Variants in EYS observed in about 807,000 individuals in gnomAD.
EYS encodes the protein protein eyes shut homolog.
EYS carries 250 observed loss-of-function variants against 282.1 expected under a neutral mutation model. The ratio of observed to expected loss-of-function variants is 0.89; its 90% CI spans 0.80 to 0.98. EYS has a LOEUF of 0.98. Ranked by LOEUF, EYS falls within the 50% of genes least tolerant of loss-of-function variation. EYS has a pLI of 0.00. For synonymous variants in EYS, 1,355 were observed against 1,282.9 expected (o/e 1.06, Z -1.20); for missense variants, 4,016 against 3,709.0 (o/e 1.08, Z -2.15).
rs1243652825 is a variant in EYS, at chr6:65,266,987, T to TAGAGAGAGAG, written c.2023+28875_2023+28876insCTCTCTCTCT. ...ACACACATACCTTGACATATATATA[T>TAGAGAGAGAG]ATAGAGAGAGAGAGAGAGAGAGATC... On this transcript the variant is annotated intron_variant, in intron 12 of 42. Transcript: ENST00000503581. Among the ~76,000 whole-genome samples, 39 of 119,570 alleles carry TAGAGAGAGAG rather than the reference T, an allele frequency of 3.3e-4. No homozygotes were observed. In the East Asian group the frequency reaches 3.9e-3, roughly 12 times the overall value. 78.4% of individuals were successfully genotyped at this position (119,570 alleles called of 152,430 possible).
chr6:63,725,260 TAAG>T lies in EYS; in HGVS notation c.8233+1256_8233+1258del, dbSNP rs569445834. Among the ~76,000 whole-genome samples the T allele has an allele frequency of 3.8e-3, 582 of 152,240 alleles. 1 individual carries two copies. The highest frequency in any genetic ancestry group is 6.6e-3 in the Non-Finnish European group (448 of 67,964). Reference sequence around the variant, plus strand: ...AACTACATGCATTGAATAACAGATGTAAGAAGATGTGCTCTTGCCCTCCTATGT... The same window carrying T: ...AACTACATGCATTGAATAACAGATGTAAGATGTGCTCTTGCCCTCCTATGT... On this transcript the variant is annotated intron_variant, in intron 42 of 42. Transcript: ENST00000503581.
chr6:64,688,724 G>A (rs566183404), intron 22 of EYS, among the ~76,000 whole-genome samples: 3 of 152,082 alleles, frequency 2.0e-5, no homozygotes, highest in African/African-American at 7.2e-5. Flanking sequence ...GAGAGTTCTG[G>A]AGATGTCTAT....
At chr6:64,992,265 T>C (rs1349192573) in intron 14 of EYS, among the ~76,000 whole-genome samples, 1 of 151,940 alleles carries the variant, frequency 6.6e-6, no homozygotes, top group Non-Finnish European at 1.5e-5. Flanking sequence ...CTTGTATGAA[T>C]ACTATAAGAA....
chr6:64,180,433 T>A (rs1344254867), intron 31 of EYS, among the ~76,000 whole-genome samples: 1 of 152,148 alleles, frequency 6.6e-6, no homozygotes, highest in Non-Finnish European at 1.5e-5. Flanking sequence ...ATTTTCTTTT[T>A]TTGACTTTTA....
intron 12 of EYS, among the ~76,000 whole-genome samples, chr6:65,096,894 T>G (rs1774755226): frequency 6.6e-6 from 1 of 150,926 alleles, no homozygotes; most frequent in African/African-American, 2.4e-5. Flanking sequence ...ACTTTAAAAC[T>G]CTTAGAAAAA....
rs187964734 is a variant in EYS at position 65,078,008 on chromosome 6, G to A, written c.2024-20281C>T. 5.3e-3 allele frequency among the ~76,000 whole-genome samples: 807 copies of A among 152,142 alleles called. 7 individuals are homozygous for A. Among genetic ancestry groups the A allele is most frequent in the African/African-American group, 0.018 (753 of 41,534 alleles). On this transcript the variant is annotated intron_variant, in intron 12 of 42. Coordinates refer to ENST00000503581, the MANE Select transcript of EYS (RefSeq NM_001142800.2). ...AGAAAATTATGCCATCAGAATTCCTGTAAACAAGGTACTTTTGTTAATTTC... is the reference window on the plus strand; with the variant it reads ...AGAAAATTATGCCATCAGAATTCCTATAAACAAGGTACTTTTGTTAATTTC...
chr6:65,234,384 G>A (rs1582047593), intron 12 of EYS, among the ~76,000 whole-genome samples: 2 of 152,280 alleles, frequency 1.3e-5, no homozygotes, highest in East Asian at 3.9e-4. Context: ...TGGGCCACAG[G>A]CAATCAAAGT....
At chr6:64,377,802 T>C (rs1363221110) in intron 29 of EYS, 4 of 152,116 alleles carry the variant, frequency 2.6e-5, no homozygotes, top group African/African-American at 9.7e-5. Context: ...GCAAGCGAGA[T>C]TTACAATAAA....
chr6:63,859,710 A>G (rs1039470028), intron 36 of EYS, among the ~76,000 whole-genome samples: 3 of 151,940 alleles, frequency 2.0e-5, no homozygotes, highest in African/African-American at 7.3e-5. Flanking sequence ...AATGAGGAGC[A>G]CAAATGTGGA....
chr6:65,372,315 C>T lies in EYS; in HGVS notation c.1299+12071G>A, dbSNP rs903396577. Among the ~76,000 whole-genome samples the T allele has an allele frequency of 3.3e-5, 5 of 151,958 alleles. No homozygotes were observed. In the East Asian group the frequency reaches 9.7e-4, roughly 29 times the overall value. On this transcript the variant is annotated intron_variant, in intron 8 of 42. Transcript: ENST00000503581. ...AAGTTATACAATATTTGAATAGACA[C>T]AAACCAGAAAGTGCATTTCTAACTA...
chr6:64,099,965 A>C (rs945010344), intron 31 of EYS, among the ~76,000 whole-genome samples: 12 of 152,152 alleles, frequency 7.9e-5, no homozygotes, highest in African/African-American at 2.9e-4. Context: ...TGTAATTCTG[A>C]AACAGTTTTT....
chr6:63,954,208 T>C (rs528599124), intron 35 of EYS, among the ~76,000 whole-genome samples: 2 of 152,176 alleles, frequency 1.3e-5, no homozygotes, highest in African/African-American at 2.4e-5. Flanking sequence ...CTTCTTTCCT[T>C]TTCCTCACCC....
intron 22 of EYS, among the ~76,000 whole-genome samples, chr6:64,708,292 A>C (rs1251458822): frequency 1.3e-5 from 2 of 152,244 alleles, no homozygotes; most frequent in African/African-American, 4.8e-5. Context: ...GAAACCCTTA[A>C]GACACTTTAT....
At position 64,964,997 on chromosome 6, in the gene EYS, C is replaced by T. The variant is rs139655839; in HGVS notation, c.2260-19083G>A. ...GCAGTGTACTGAGATCACACCATTG[C>T]ACTCCTGCTGGATGACAGAGTGAGA... On this transcript the variant is annotated intron_variant, in intron 14 of 42. Transcript: ENST00000503581. Among the ~76,000 whole-genome samples, 37 of 152,182 alleles carry T rather than the reference C, an allele frequency of 2.4e-4. No individual in the cohort carries two copies. The East Asian group carries it at 6.9e-3, about 29-fold the overall frequency.
intron 12 of EYS, among the ~76,000 whole-genome samples, chr6:65,101,778 T>C (rs1774899005): frequency 6.6e-6 from 1 of 151,148 alleles, no homozygotes; most frequent in Non-Finnish European, 1.5e-5. Flanking sequence ...TATATTGCAG[T>C]CCCTAGTTAT....
chr6:65,450,882 A>C (rs924924788), intron 5 of EYS, among the ~76,000 whole-genome samples: 3 of 152,058 alleles, frequency 2.0e-5, no homozygotes, highest in Admixed American at 2.0e-4. Context: ...TTAATATGAA[A>C]ATTTCTGAGA....
At chr6:64,690,200 T>A (rs565381655) in intron 22 of EYS, among the ~76,000 whole-genome samples, 236 of 151,984 alleles carry the variant, frequency 1.6e-3, no homozygotes, top group Non-Finnish European at 2.8e-3. Flanking sequence ...AAGAAGACAT[T>A]TATGCAGCCA....
At chr6:65,697,657 G>T (rs1299792093) in intron 1 of EYS, among the ~76,000 whole-genome samples, 1 of 150,004 alleles carries the variant, frequency 6.7e-6, no homozygotes, top group African/African-American at 2.5e-5. Flanking sequence ...CCAAACGATT[G>T]GGTCCGAGGC....
chr6:65,649,942 C>A (rs1767592937), intron 1 of EYS, among the ~76,000 whole-genome samples: 1 of 152,042 alleles, frequency 6.6e-6, no homozygotes, highest in Admixed American at 6.6e-5. Context: ...AAAATGCATT[C>A]TAAAATATTA....
Sources: allele counts gnomAD v4.1 joint callset (sites outside exome capture counted in the v4.1 genomes callset), GRCh38; gene constraint gnomAD v4.1.1; transcripts MANE v1.5; gene names NCBI Gene and HGNC (gene_info 2026-07-23, HGNC 2026-07-21).